Variants in NUBPL observed in about 807,000 individuals in gnomAD.
NUBPL encodes iron-sulfur cluster transfer protein NUBPL.
A neutral mutation model predicts 45.7 loss-of-function variants in NUBPL; 31 were observed. The ratio of observed to expected loss-of-function variants is 0.68; its 90% CI spans 0.51 to 0.92. The LOEUF (loss-of-function observed/expected upper bound fraction) is 0.92, where lower values mean the gene tolerates loss of function less well. Ranked by LOEUF, NUBPL falls within the 40% of genes least tolerant of loss-of-function variation. The pLI, the probability that NUBPL is intolerant of heterozygous loss-of-function variation, is 0.00. For synonymous variants in NUBPL, 144 were observed against 140.9 expected, an observed-to-expected ratio of 1.02 and a Z score of -0.15; for missense variants, 401 against 398.7, an observed-to-expected ratio of 1.01 and a Z score of -0.05.
chr14:31,641,898 A>G (rs1164072975), intron 4 of NUBPL, among the ~76,000 whole-genome samples: 3 of 152,140 alleles, frequency 2.0e-5, no homozygotes, highest in Non-Finnish European at 4.4e-5. Flanking sequence ...ATACTGTGTT[A>G]TTGTGGTTTT....
chr14:31,779,027 A>G (rs1192835141), intron 6 of NUBPL, among the ~76,000 whole-genome samples: 1 of 152,166 alleles, frequency 6.6e-6, no homozygotes. Flanking sequence ...ACACCAGGTG[A>G]TGGTAAGATG....
chr14:31,719,990 A>G (rs2037773997), intron 6 of NUBPL, among the ~76,000 whole-genome samples: 1 of 152,116 alleles, frequency 6.6e-6, no homozygotes, highest in Non-Finnish European at 1.5e-5. Flanking sequence ...AACTCTTAAG[A>G]GCTTATTGGA....
chr14:31,763,167 A>G (rs980915419), intron 6 of NUBPL, among the ~76,000 whole-genome samples: 5 of 152,170 alleles, frequency 3.3e-5, no homozygotes, highest in African/African-American at 1.2e-4. Flanking sequence ...TTTTCTAGAA[A>G]GAATATAGGC....
At chr14:31,652,890 C>T (rs1242883330) in intron 4 of NUBPL, among the ~76,000 whole-genome samples, 1 of 152,066 alleles carries the variant, frequency 6.6e-6, no homozygotes, top group African/African-American at 2.4e-5. Context: ...CCCTACGTGT[C>T]AGCCGGTCTG....
At chr14:31,586,638 C>G (rs997138028) in intron 3 of NUBPL, among the ~76,000 whole-genome samples, 3 of 152,124 alleles carry the variant, frequency 2.0e-5, no homozygotes, top group African/African-American at 7.2e-5. Flanking sequence ...GAAGAAAACT[C>G]TCACTAGACA....
chr14:31,704,754 C>G lies in NUBPL; in HGVS notation c.513+31180C>G, dbSNP rs115966918. On this transcript the variant is annotated intron_variant, in intron 6 of 10. Transcript: ENST00000281081. The stretch of plus-strand genomic sequence containing the variant: ...AAGATGTTGGCACTTCCTGTTCCCT[C>G]TAGTTCTACCCACCACCTTGGATAA... Among the ~76,000 whole-genome samples, 1,184 of 152,272 alleles carry G rather than the reference C, an allele frequency of 7.8e-3. 22 individuals carry two copies. Among genetic ancestry groups the G allele is most frequent in the African/African-American group, 0.027 (1,110 of 41,546 alleles).
chr14:31,651,984 G>T (rs1041787450), intron 4 of NUBPL, among the ~76,000 whole-genome samples: 2 of 151,866 alleles, frequency 1.3e-5, no homozygotes, highest in African/African-American at 2.4e-5. Context: ...TGACCCATAG[G>T]TGCATGAAAA....
intron 4 of NUBPL, among the ~76,000 whole-genome samples, chr14:31,670,067 G>A (rs560125619): frequency 1.2e-4 from 19 of 152,206 alleles, no homozygotes; most frequent in African/African-American, 4.6e-4. Flanking sequence ...ATGCTTTCCA[G>A]AATGGTTGAG....
intron 8 of NUBPL, among the ~76,000 whole-genome samples, chr14:31,835,911 CT>C (rs2040274344): frequency 6.6e-6 from 1 of 152,200 alleles, no homozygotes. Context: ...TTCCTCCTCA[CT>C]TTTTCTTAAA....
chr14:31,762,498 C>T (rs528273317), intron 6 of NUBPL, among the ~76,000 whole-genome samples: 27 of 152,268 alleles, frequency 1.8e-4, no homozygotes, highest in Middle Eastern at 3.4e-3. Context: ...CCAAGGCCTT[C>T]AAACCACCCA....
intron 4 of NUBPL, among the ~76,000 whole-genome samples, chr14:31,655,829 GGTCA>G (rs2036128255): frequency 1.3e-5 from 2 of 152,278 alleles, no homozygotes; most frequent in African/African-American, 4.8e-5. Flanking sequence ...TTTTCAAAAT[GGTCA>G]GTGAATATTG....
chr14:31,640,076 G>A (rs144208873), intron 4 of NUBPL, among the ~76,000 whole-genome samples: 7,579 of 152,046 alleles, frequency 0.05, 250 homozygotes, highest in Admixed American at 0.066. Flanking sequence ...GCTCCGGCAC[G>A]GTGCACTGCA....
chr14:31,818,270 G>T (rs751967690), intron 7 of NUBPL, among the ~76,000 whole-genome samples: 1 of 152,064 alleles, frequency 6.6e-6, no homozygotes, highest in East Asian at 1.9e-4. Context: ...ATTAACAAGG[G>T]TATTCAGGAC....
chr14:31,853,352 G>A (rs1305814510), intron 10 of NUBPL, among the ~76,000 whole-genome samples: 5 of 152,130 alleles, frequency 3.3e-5, no homozygotes, highest in African/African-American at 1.2e-4. Context: ...CATCACACCT[G>A]GCCTAGACTG....
intron 7 of NUBPL, among the ~76,000 whole-genome samples, chr14:31,825,124 T>A (rs2040076450): frequency 6.6e-6 from 1 of 152,138 alleles, no homozygotes; most frequent in Admixed American, 6.6e-5. Context: ...CCTCTACCAT[T>A]TTGCATCTGA....
chr14:31,835,307 C>T (rs1309695795), intron 8 of NUBPL, among the ~76,000 whole-genome samples: 1 of 152,176 alleles, frequency 6.6e-6, no homozygotes, highest in East Asian at 1.9e-4. Flanking sequence ...GCACAAAAGT[C>T]TCTATCTAGT....
At chr14:31,856,849 C>T (rs111349908) in intron 10 of NUBPL, among the ~76,000 whole-genome samples, 49 of 152,270 alleles carry the variant, frequency 3.2e-4, no homozygotes, top group African/African-American at 1.0e-3. Context: ...GCCTCCCTCC[C>T]GGCTGCCTTC....
intron 4 of NUBPL, among the ~76,000 whole-genome samples, chr14:31,612,301 A>G (rs1042376538): frequency 6.6e-6 from 1 of 152,276 alleles, no homozygotes; most frequent in Non-Finnish European, 1.5e-5. Flanking sequence ...AATCTGATAA[A>G]AAATGGACAA....
chr14:31,561,876 A>C, intron 1 of NUBPL, 192 bp from the exon 2 acceptor site: 1 of 636,864 alleles, frequency 1.6e-6, no homozygotes, highest in South Asian at 2.1e-5. Flanking sequence ...CCTGCTAGAA[A>C]AATTTCAATT....
Sources: gnomAD v4.1 joint callset for allele counts (sites outside exome capture counted in the v4.1 genomes callset) on GRCh38, gnomAD v4.1.1 for gene constraint, MANE v1.5 for transcripts, NCBI Gene and HGNC (gene_info 2026-07-23, HGNC 2026-07-21) for gene names.